The following PTPRD variants were observed in gnomAD, a reference collection of about 807,000 sequenced individuals.
PTPRD encodes the protein protein tyrosine phosphatase receptor type D.
Under a neutral mutation model 214.5 loss-of-function variants are expected in PTPRD, and 34 were observed. That is an observed-to-expected ratio of 0.16 (90% CI 0.12 to 0.21). The LOEUF is 0.21. PTPRD is among the 10% of genes least tolerant of loss of function. PTPRD has a pLI of 1.00. For synonymous variants in PTPRD, 1,128 were observed against 845.7 expected (o/e 1.33, Z -5.79); for missense variants, 2,545 against 2,398.7 (o/e 1.06, Z -1.27).
intron 10 of PTPRD, among the ~76,000 whole-genome samples, chr9:9,087,594 A>G (rs1006029501): frequency 5.3e-5 from 8 of 152,182 alleles, no homozygotes; most frequent in African/African-American, 1.9e-4. Flanking sequence ...TGAGTGCCAG[A>G]TAAGTTACTT....
Position 8,877,822 on chromosome 9 carries a change from T to C in PTPRD, c.-104+140875A>G, listed in dbSNP as rs142127122. 6.6e-3 allele frequency among the ~76,000 whole-genome samples: 999 copies of C among 152,296 alleles called. 13 individuals are homozygous for C. Among genetic ancestry groups the C allele is most frequent in the African/African-American group, 0.022 (927 of 41,564 alleles). ...TTCCCATTTAAACACTATAAACAAGTGTCTGAGGCTCTTCTCAGACAATCC... is the reference window on the plus strand; with the variant it reads ...TTCCCATTTAAACACTATAAACAAGCGTCTGAGGCTCTTCTCAGACAATCC... On this transcript the variant is annotated intron_variant, in intron 11 of 45. Transcript: ENST00000381196.
chr9:8,458,660 C>G (rs1453811031), intron 33 of PTPRD, among the ~76,000 whole-genome samples: 1 of 152,126 alleles, frequency 6.6e-6, no homozygotes, highest in East Asian at 1.9e-4. Context: ...TGGACTCAAA[C>G]AGGGTCTATG....
At chr9:9,575,494 G>A (rs1591980967) in intron 7 of PTPRD, among the ~76,000 whole-genome samples, 1 of 151,804 alleles carries the variant, frequency 6.6e-6, no homozygotes, top group Non-Finnish European at 1.5e-5. Context: ...GCCGAGGTGG[G>A]TAGATCACAA....
In PTPRD at chr9:8,557,449, T is replaced by C. The variant is rs1433719057; in HGVS notation, c.353-28670A>G. ...ATTTGTAAATACATATATATATATA[T>C]ATATATATTTGGGCCGGGCGCGGTG... On this transcript the variant is annotated intron_variant, in intron 14 of 45. Coordinates refer to ENST00000381196, the MANE Select transcript of PTPRD (RefSeq NM_002839.4). Among the ~76,000 whole-genome samples the C allele has an allele frequency of 5.2e-5, 7 of 135,536 alleles. 2 individuals are homozygous for C. The highest frequency in any genetic ancestry group is 2.4e-4 in the African/African-American group (7 of 28,578). 88.9% of individuals were successfully genotyped at this position (135,536 alleles called of 152,430 possible).
At chr9:10,579,721 T>A (rs1478524187) in intron 2 of PTPRD, among the ~76,000 whole-genome samples, 2 of 152,198 alleles carry the variant, frequency 1.3e-5, no homozygotes, top group Non-Finnish European at 2.9e-5. Flanking sequence ...AATTTACATT[T>A]TCATCAATGT....
intron 7 of PTPRD, among the ~76,000 whole-genome samples, chr9:9,607,973 C>A (rs2094284176): frequency 6.6e-6 from 1 of 152,116 alleles, no homozygotes; most frequent in South Asian, 2.1e-4. Context: ...AGGAAACAGT[C>A]TGGATTTGGG....
chr9:9,389,509 A>G (rs894531275), intron 9 of PTPRD, among the ~76,000 whole-genome samples: 1 of 151,994 alleles, frequency 6.6e-6, no homozygotes, highest in African/African-American at 2.4e-5. Flanking sequence ...CCATCTCAAA[A>G]TAATAATAAT....
chr9:10,514,300 T>C (rs10756044), intron 2 of PTPRD, among the ~76,000 whole-genome samples: 52,061 of 151,236 alleles, frequency 0.34, 9,150 homozygotes, highest in Non-Finnish European at 0.38. Flanking sequence ...AACTCTTCTT[T>C]GGGGAGCAAA....
chr9:8,991,559 C>G (rs899763159), intron 11 of PTPRD, among the ~76,000 whole-genome samples: 3 of 152,194 alleles, frequency 2.0e-5, no homozygotes, highest in African/African-American at 7.2e-5. Context: ...ATTCCTAGTT[C>G]ATTTGTGTGG....
intron 3 of PTPRD, among the ~76,000 whole-genome samples, chr9:10,117,008 C>T (rs1454517469): frequency 6.6e-6 from 1 of 152,070 alleles, no homozygotes; most frequent in Non-Finnish European, 1.5e-5. Context: ...AATCTTGCTT[C>T]CCTTATGCTT....
At chr9:9,568,624 G>C (rs746568130) in intron 8 of PTPRD, among the ~76,000 whole-genome samples, 1 of 151,840 alleles carries the variant, frequency 6.6e-6, no homozygotes, top group Non-Finnish European at 1.5e-5. Context: ...TGGATTTATA[G>C]GTTTTCCTAC....
At chr9:9,888,559 G>A (rs988057241) in intron 5 of PTPRD, among the ~76,000 whole-genome samples, 1 of 152,054 alleles carries the variant, frequency 6.6e-6, no homozygotes, top group African/African-American at 2.4e-5. Context: ...GAGCTCCTGG[G>A]AGAGCCAATT....
rs117769437 is a variant in PTPRD, at chr9:10,407,423, T to C, written c.-599-66406A>G. Among the ~76,000 whole-genome samples the C allele has an allele frequency of 4.9e-3, 739 of 151,682 alleles. 12 individuals carry two copies. In the East Asian group the frequency reaches 0.055, roughly 11 times the overall value. ...TCATTTTATTATAAACTTCCATGTA[T>C]TCTAAGTATGAGATTTTGAAAAATG... On this transcript the variant is annotated intron_variant, in intron 2 of 45. Transcript: ENST00000381196.
intron 14 of PTPRD, among the ~76,000 whole-genome samples, chr9:8,618,896 G>GTTTTT (rs34636829): frequency 8.1e-6 from 1 of 122,830 alleles, no homozygotes; most frequent in African/African-American, 3.2e-5. Context: ...GTGTGTGTGT[G>GTTTTT]TTTGTCTGTG....
chr9:8,467,132 C>A (rs559509445), intron 31 of PTPRD, among the ~76,000 whole-genome samples: 2 of 151,764 alleles, frequency 1.3e-5, no homozygotes, highest in Non-Finnish European at 2.9e-5. Flanking sequence ...TTATAACGTG[C>A]TAAAATTTTC....
chr9:8,756,441 G>A (rs909698310), intron 11 of PTPRD, among the ~76,000 whole-genome samples: 1 of 152,140 alleles, frequency 6.6e-6, no homozygotes, highest in African/African-American at 2.4e-5. Context: ...TTTGCAAGAT[G>A]CATAAAAAAC....
At chr9:9,223,540 C>G (rs2099957510) in intron 9 of PTPRD, among the ~76,000 whole-genome samples, 1 of 151,942 alleles carries the variant, frequency 6.6e-6, no homozygotes, top group Admixed American at 6.6e-5. Context: ...TAGGTATATT[C>G]TGATGAAACA....
intron 8 of PTPRD, among the ~76,000 whole-genome samples, chr9:9,473,852 T>A (rs1291176300): frequency 1.3e-5 from 2 of 151,914 alleles, no homozygotes; most frequent in Non-Finnish European, 2.9e-5. Flanking sequence ...TTTAAATTTC[T>A]TATATATTCT....
At chr9:10,085,644 G>A (rs1420552785) in intron 3 of PTPRD, among the ~76,000 whole-genome samples, 3 of 151,612 alleles carry the variant, frequency 2.0e-5, no homozygotes, top group Non-Finnish European at 4.4e-5. Context: ...ACTGGCGCCT[G>A]CCTGTGCATG....
Sources: gnomAD v4.1 joint callset for allele counts (sites outside exome capture counted in the v4.1 genomes callset) on GRCh38, gnomAD v4.1.1 for gene constraint, MANE v1.5 for transcripts, NCBI Gene and HGNC (gene_info 2026-07-23, HGNC 2026-07-21) for gene names.